The following HTR4 variants were observed in gnomAD, a reference collection of about 807,000 sequenced individuals.
The protein encoded by HTR4 is 5-hydroxytryptamine receptor 4.
A neutral mutation model predicts 36.8 loss-of-function variants in HTR4; 16 were observed. That is an observed-to-expected ratio of 0.43 (90% CI 0.29 to 0.66). The LOEUF is 0.66. Ranked by LOEUF, HTR4 falls within the 30% of genes least tolerant of loss-of-function variation. HTR4 has a pLI of 0.13. For missense variants in HTR4, 438 were observed against 490.9 expected, an observed-to-expected ratio of 0.89 and a Z score of 1.02; for synonymous variants, 189 against 185.1, an observed-to-expected ratio of 1.02 and a Z score of -0.17.
In HTR4 at chr5:148,538,579, C is replaced by T. The variant is rs758293840; in HGVS notation, c.353+10089G>A. Among the ~76,000 whole-genome samples the T allele has an allele frequency of 5.3e-5, 8 of 152,108 alleles. No individual in the cohort carries two copies. The South Asian group carries it at 8.3e-4, about 16-fold the overall frequency. The stretch of plus-strand genomic sequence containing the variant: ...AATCACTAGCATTCCTATATACCTA[C>T]GACAGCCAAGCTAAGAGCCAAATCA... On this transcript the variant is annotated intron_variant, in intron 4 of 6. Transcript: ENST00000377888.
Position 148,509,952 on chromosome 5 carries a change from T to C in HTR4, c.580A>G (p.Ile194Val), listed in dbSNP as rs1364656968. The change falls in exon 6 of 7, where the codon ATC (isoleucine) becomes GTC (valine). Residue 194 changes from isoleucine to valine, a missense_variant. Physicochemically the swap from Ile to Val is conservative, Grantham distance 29 (BLOSUM62 3). Transcript: ENST00000377888. The part of the protein sequence containing the change: ...CVFMVNKPYA[I>V]TCSVVAFYIP... ...TAGAAGGCCACCACAGAGCAGGTGA[T>C]GGCGTAGGGCTTGTTGACCATGAAG... 2 of 1,613,826 alleles carry C rather than the reference T, an allele frequency of 1.2e-6. No individual in the cohort carries two copies. Among genetic ancestry groups the C allele is most frequent in the Non-Finnish European group, 1.7e-6 (2 of 1,179,976 alleles).
chr5:148,567,847 T>C (rs1195137627), intron 2 of HTR4, among the ~76,000 whole-genome samples: 1 of 152,182 alleles, frequency 6.6e-6, no homozygotes. Context: ...CCTGATGGTA[T>C]GTATCTAACA....
intron 2 of HTR4, among the ~76,000 whole-genome samples, chr5:148,587,970 G>A (rs553481940): frequency 6.6e-6 from 1 of 152,190 alleles, no homozygotes; most frequent in Non-Finnish European, 1.5e-5. Flanking sequence ...CTCAGCATGG[G>A]GATAACTGAC....
At chr5:148,543,351 A>G (rs1271763591) in intron 4 of HTR4, among the ~76,000 whole-genome samples, 1 of 152,172 alleles carries the variant, frequency 6.6e-6, no homozygotes, top group African/African-American at 2.4e-5. Flanking sequence ...GCAAAGTTAG[A>G]CTAAATGACA....
intron 6 of HTR4, among the ~76,000 whole-genome samples, chr5:148,501,856 G>A (rs866937512): frequency 6.6e-6 from 1 of 152,014 alleles, no homozygotes; most frequent in East Asian, 1.9e-4. Flanking sequence ...TCAGGAGATC[G>A]AGACCATCCT....
chr5:148,533,376 T>G lies in HTR4; in HGVS notation c.354-10030A>C, dbSNP rs556515951. On this transcript the variant is annotated intron_variant, in intron 4 of 6. Transcript: ENST00000377888. ...ATAAAACTCCATTAAAATCTGCTTT[T>G]GTAGACCCAGCCACCAGCTTCTCCC... is the stretch of plus-strand genomic sequence containing the variant. 2.4e-3 allele frequency among the ~76,000 whole-genome samples: 364 copies of G among 152,360 alleles called. 2 individuals carry two copies. Among genetic ancestry groups the G allele is most frequent in the Non-Finnish European group, 4.0e-3 (273 of 68,030 alleles).
At chr5:148,557,107 G>A (rs1759982053) in intron 2 of HTR4, among the ~76,000 whole-genome samples, 1 of 152,142 alleles carries the variant, frequency 6.6e-6, no homozygotes, top group Admixed American at 6.5e-5. Context: ...GTGCTCTAGG[G>A]AGAAGTTTAT....
In HTR4 at chr5:148,542,122, T is replaced by G. The variant is rs1279798572; in HGVS notation, c.353+6546A>C. The stretch of plus-strand genomic sequence containing the variant: ...GTCCAGAACAACTCATAGTAATTAG[T>G]AAGCACTCCATAAATGTTTGATGAA... On this transcript the variant is annotated intron_variant, in intron 4 of 6. Transcript: ENST00000377888. Among the ~76,000 whole-genome samples, 8 of 152,208 alleles carry G rather than the reference T, an allele frequency of 5.3e-5. No homozygotes were observed. In the East Asian group the frequency reaches 1.5e-3, roughly 29 times the overall value.
chr5:148,618,872 C>T (rs1752807107), intron 2 of HTR4, among the ~76,000 whole-genome samples: 1 of 152,204 alleles, frequency 6.6e-6, no homozygotes, highest in Admixed American at 6.5e-5. Flanking sequence ...ATGACCTAGG[C>T]TTTGGTGACC....
intron 2 of HTR4, among the ~76,000 whole-genome samples, chr5:148,554,899 A>G (rs1759868329): frequency 6.6e-6 from 1 of 152,058 alleles, no homozygotes; most frequent in Non-Finnish European, 1.5e-5. Context: ...GAACATGCTG[A>G]ATTTGATTTT....
rs546557164 is a variant in HTR4, at chr5:148,584,095, C to G, written c.27-33833G>C. ...GAAAGGTAATACTCAAAAGCTCTCT[C>G]AATTCTTATAACAGCATATAAAACA... On this transcript the variant is annotated intron_variant, in intron 2 of 6. Coordinates refer to ENST00000377888, the MANE Select transcript of HTR4 (RefSeq NM_000870.7). Among the ~76,000 whole-genome samples, 12 of 152,320 alleles carry G rather than the reference C, an allele frequency of 7.9e-5. No individual in the cohort carries two copies. The South Asian group carries it at 2.5e-3, about 32-fold the overall frequency.
intron 2 of HTR4, chr5:148,628,894 G>A (rs1427744739): frequency 6.6e-6 from 1 of 152,080 alleles, no homozygotes; most frequent in Admixed American, 6.6e-5. Flanking sequence ...CAGTCTTACA[G>A]GAATCCAAGT....
At chr5:148,578,737 A>G (rs893383997) in intron 2 of HTR4, among the ~76,000 whole-genome samples, 2 of 152,068 alleles carry the variant, frequency 1.3e-5, no homozygotes, top group Non-Finnish European at 2.9e-5. Flanking sequence ...CACAATACCT[A>G]CGTCTTAGGA....
chr5:148,540,039 C>A lies in HTR4; in HGVS notation c.353+8629G>T, dbSNP rs1341437375. 2.0e-5 allele frequency among the ~76,000 whole-genome samples: 3 copies of A among 151,980 alleles called. No individual in the cohort carries two copies. The East Asian group carries it at 5.8e-4, about 29-fold the overall frequency. ...TATACACTATGGAATACTATGCAGC[C>A]ATGAAAAATAACAAAATCATGTCTT... On this transcript the variant is annotated intron_variant, in intron 4 of 6. Transcript: ENST00000377888.
At chr5:148,605,041 C>T (rs1003785182) in intron 2 of HTR4, among the ~76,000 whole-genome samples, 17 of 152,226 alleles carry the variant, frequency 1.1e-4, no homozygotes, top group South Asian at 1.0e-3. Context: ...ATACCTATTG[C>T]ATTTGATGGC....
chr5:148,461,490 C>G (rs1473333198), intron 5 of HTR4, among the ~76,000 whole-genome samples: 1 of 151,908 alleles, frequency 6.6e-6, no homozygotes, highest in African/African-American at 2.4e-5. Flanking sequence ...ACAGAACACA[C>G]TTCAGAGCAA....
intron 6 of HTR4, among the ~76,000 whole-genome samples, chr5:148,506,210 A>T (rs1315894951): frequency 6.6e-6 from 1 of 152,190 alleles, no homozygotes; most frequent in African/African-American, 2.4e-5. Context: ...AGCCCTCAGA[A>T]ATAATACCAC....
Position 148,520,923 on chromosome 5 carries a change from G to A in HTR4, c.507+2270C>T, listed in dbSNP as rs148952645. On this transcript the variant is annotated intron_variant, in intron 5 of 6. Transcript: ENST00000377888. ...TAAGGAATACTTGTTCTGACATACC[G>A]CATGAAAATCCTGGCCCAGGCCTTG... 3.4e-3 allele frequency: 4,667 copies of A among 1,367,744 alleles called. 14 individuals carry two copies. Among genetic ancestry groups the A allele is most frequent in the Non-Finnish European group, 3.8e-3 (3,856 of 1,021,964 alleles). 84.7% of individuals were successfully genotyped at this position (1,367,744 alleles called of 1,614,324 possible).
chr5:148,613,975 G>A (rs1266053255), intron 2 of HTR4, among the ~76,000 whole-genome samples: 5 of 151,220 alleles, frequency 3.3e-5, no homozygotes, highest in Admixed American at 2.6e-4. Flanking sequence ...AACTTACAAG[G>A]GATGTGAAGG....
Sources: gnomAD v4.1 joint callset for allele counts (sites outside exome capture counted in the v4.1 genomes callset) on GRCh38, gnomAD v4.1.1 for gene constraint, MANE v1.5 for transcripts, NCBI Gene and HGNC (gene_info 2026-07-23, HGNC 2026-07-21) for gene names.